MGAT4C: variants seen among roughly 807,000 people sequenced by gnomAD.
MGAT4C encodes the protein MGAT4 family member C.
A neutral mutation model predicts 40.1 loss-of-function variants in MGAT4C; 19 were observed. That is an observed-to-expected ratio of 0.47 (90% CI 0.33 to 0.70). MGAT4C has a LOEUF of 0.70. MGAT4C is among the 30% of genes least tolerant of loss of function. The pLI, the probability that MGAT4C is intolerant of heterozygous loss-of-function variation, is 0.02. For synonymous variants in MGAT4C, 181 were observed against 187.1 expected, an observed-to-expected ratio of 0.97 and a Z score of 0.27; for missense variants, 491 against 563.2, an observed-to-expected ratio of 0.87 and a Z score of 1.30.
At chr12:86,196,326 C>T (rs185847368) in intron 1 of MGAT4C, among the ~76,000 whole-genome samples, 46 of 152,332 alleles carry the variant, frequency 3.0e-4, no homozygotes, top group Admixed American at 1.6e-3. Flanking sequence ...TGGTCTGATG[C>T]GCTGCCTTTT....
chr12:86,340,920 T>C (rs55939243), intron 3 of MGAT4C, among the ~76,000 whole-genome samples: 12,948 of 152,234 alleles, frequency 0.085, 767 homozygotes, highest in Middle Eastern at 0.22. Context: ...TTTAAGTTCT[T>C]TAACAAGAAG....
At chr12:86,438,446 G>A (rs1402358171) in intron 2 of MGAT4C, among the ~76,000 whole-genome samples, 1 of 152,082 alleles carries the variant, frequency 6.6e-6, no homozygotes, top group South Asian at 2.1e-4. Flanking sequence ...GCTGAAGCAA[G>A]TTATCCAGAA....
intron 4 of MGAT4C, among the ~76,000 whole-genome samples, chr12:86,274,110 G>C (rs1454290348): frequency 6.6e-6 from 1 of 152,112 alleles, no homozygotes; most frequent in Non-Finnish European, 1.5e-5. Flanking sequence ...AGGAGAAGGA[G>C]CAACAAAGAG....
At chr12:86,788,307 T>G (rs1008447239) in intron 1 of MGAT4C, among the ~76,000 whole-genome samples, 9 of 151,348 alleles carry the variant, frequency 5.9e-5, no homozygotes, top group Non-Finnish European at 1.2e-4. Flanking sequence ...GGTTTTTTTT[T>G]TTTTTGGTAA....
intron 2 of MGAT4C, among the ~76,000 whole-genome samples, chr12:86,611,542 T>C (rs1169132139): frequency 6.6e-6 from 1 of 152,100 alleles, no homozygotes; most frequent in Admixed American, 6.6e-5. Flanking sequence ...TACCTGAAAT[T>C]ACCCTTCATA....
chr12:86,533,695 C>CTA (rs1307787433), intron 2 of MGAT4C, among the ~76,000 whole-genome samples: 1 of 151,116 alleles, frequency 6.6e-6, no homozygotes, highest in Non-Finnish European at 1.5e-5. Flanking sequence ...CTTTATATAT[C>CTA]TATATATATA....
chr12:86,792,124 T>C (rs1565993414), intron 1 of MGAT4C, among the ~76,000 whole-genome samples: 1 of 152,184 alleles, frequency 6.6e-6, no homozygotes, highest in African/African-American at 2.4e-5. Context: ...AGTATTTTCT[T>C]ACAGTCAGGT....
chr12:86,487,932 T>C (rs1958052103), intron 2 of MGAT4C, among the ~76,000 whole-genome samples: 1 of 152,164 alleles, frequency 6.6e-6, no homozygotes, highest in Non-Finnish European at 1.5e-5. Context: ...AAATTTTGAA[T>C]GTGGAATGTT....
chr12:86,302,459 C>T (rs937757026), intron 4 of MGAT4C, among the ~76,000 whole-genome samples: 2 of 150,504 alleles, frequency 1.3e-5, no homozygotes, highest in Non-Finnish European at 2.9e-5. Flanking sequence ...GACGGAGTCT[C>T]ATTCTGTTGC....
chr12:86,778,423 T>C (rs1311037828), intron 1 of MGAT4C, among the ~76,000 whole-genome samples: 1 of 152,154 alleles, frequency 6.6e-6, no homozygotes, highest in Admixed American at 6.6e-5. Context: ...CAAAAATCTA[T>C]CTGTACATAA....
At chr12:86,609,274 T>C (rs201406614) in intron 2 of MGAT4C, among the ~76,000 whole-genome samples, 1 of 152,196 alleles carries the variant, frequency 6.6e-6, no homozygotes, top group South Asian at 2.1e-4. Flanking sequence ...CATGACTGTT[T>C]GCAAAGTTAA....
chr12:86,340,379 A>T (rs1006779083), intron 3 of MGAT4C, among the ~76,000 whole-genome samples: 7 of 152,262 alleles, frequency 4.6e-5, no homozygotes, highest in Admixed American at 3.3e-4. Context: ...AGCAGTGTTT[A>T]AAAAATGTTT....
At chr12:86,250,147 A>C (rs948809952) in intron 1 of MGAT4C, among the ~76,000 whole-genome samples, 1 of 152,138 alleles carries the variant, frequency 6.6e-6, no homozygotes, top group African/African-American at 2.4e-5. Context: ...GATTTTTAGA[A>C]AATGTTTTAC....
intron 1 of MGAT4C, among the ~76,000 whole-genome samples, chr12:86,743,600 A>G (rs372157001): frequency 6.6e-5 from 10 of 151,576 alleles, no homozygotes; most frequent in Admixed American, 2.0e-4. Flanking sequence ...AAAGACTCAC[A>G]GGGATGAAAG....
intron 2 of MGAT4C, among the ~76,000 whole-genome samples, chr12:86,699,643 G>C (rs2136611709): frequency 6.6e-6 from 1 of 152,080 alleles, no homozygotes; most frequent in Non-Finnish European, 1.5e-5. Flanking sequence ...ATTATTAATA[G>C]CCTACTGTTG....
intron 1 of MGAT4C, among the ~76,000 whole-genome samples, chr12:86,147,066 TACATTATGAA>T (rs1401431851): frequency 3.3e-5 from 5 of 152,182 alleles, no homozygotes; most frequent in African/African-American, 4.8e-5. Context: ...GTGGAACACC[TACATTATGAA>T]ATGTGTGTGT....
At chr12:86,580,926 G>A (rs181449348) in intron 2 of MGAT4C, among the ~76,000 whole-genome samples, 4 of 151,522 alleles carry the variant, frequency 2.6e-5, no homozygotes, top group Admixed American at 6.6e-5. Flanking sequence ...AAACCAGAAC[G>A]TATGGTTAGC....
intron 1 of MGAT4C, among the ~76,000 whole-genome samples, chr12:86,164,982 A>C (rs1566076930): frequency 1.3e-5 from 2 of 152,188 alleles, no homozygotes; most frequent in African/African-American, 4.8e-5. Flanking sequence ...GGAATATTGA[A>C]TATCTGGGAC....
intron 3 of MGAT4C, among the ~76,000 whole-genome samples, chr12:86,363,240 T>A (rs1433955027): frequency 6.6e-6 from 1 of 152,116 alleles, no homozygotes; most frequent in Non-Finnish European, 1.5e-5. Flanking sequence ...AGAACATTTG[T>A]CAAGATAGGT....
Sources: allele counts gnomAD v4.1 joint callset (sites outside exome capture counted in the v4.1 genomes callset), GRCh38; gene constraint gnomAD v4.1.1; transcripts MANE v1.5; gene names NCBI Gene and HGNC (gene_info 2026-07-23, HGNC 2026-07-21).